HPSE2: variants seen among roughly 807,000 people sequenced by gnomAD.
HPSE2 encodes heparanase 2 (inactive).
In HPSE2, 38 loss-of-function variants were observed where a neutral mutation model predicts 60.5. The observed-to-expected ratio is 0.63, with a 90% CI of 0.48 to 0.82. HPSE2 has a LOEUF of 0.82. Ranked by LOEUF, HPSE2 falls within the 40% of genes least tolerant of loss-of-function variation. The probability of loss-of-function intolerance (pLI) is 0.00; values close to 1 mark genes in which losing one functional copy is unlikely to be tolerated. For missense variants in HPSE2, 713 were observed against 740.4 expected, an observed-to-expected ratio of 0.96 and a Z score of 0.43; for synonymous variants, 295 against 293.2, an observed-to-expected ratio of 1.01 and a Z score of -0.06.
At chr10:98,546,350 A>C (rs1198584637) in intron 9 of HPSE2, among the ~76,000 whole-genome samples, 1 of 139,932 alleles carries the variant, frequency 7.1e-6, no homozygotes, top group Non-Finnish European at 1.6e-5. Flanking sequence ...CGCCAAGTCA[A>C]TCCTAAGCCA....
chr10:99,208,691 T>TAAAAAATA, intron 2 of HPSE2, among the ~76,000 whole-genome samples: 1 of 144,886 alleles, frequency 6.9e-6, no homozygotes. Context: ...TCTCAAAAAA[T>TAAAAAATA]AAAAATAAAA....
intron 3 of HPSE2, among the ~76,000 whole-genome samples, chr10:98,985,030 G>A (rs1307981556): frequency 6.6e-6 from 1 of 152,198 alleles, no homozygotes; most frequent in Non-Finnish European, 1.5e-5. Flanking sequence ...GTACCTGAAA[G>A]TGACAGGGAG....
intron 9 of HPSE2, among the ~76,000 whole-genome samples, chr10:98,545,591 A>G (rs1476956089): frequency 2.0e-5 from 3 of 152,240 alleles, no homozygotes; most frequent in Admixed American, 1.3e-4. Context: ...AAGGCCTTTG[A>G]CAAAATTCAA....
chr10:98,629,369 T>C (rs1946300100), intron 7 of HPSE2, among the ~76,000 whole-genome samples: 1 of 152,186 alleles, frequency 6.6e-6, no homozygotes, highest in Non-Finnish European at 1.5e-5. Flanking sequence ...TACAGGAAGC[T>C]TCTTAAACCT....
At chr10:98,773,655 G>A (rs896898185) in intron 3 of HPSE2, among the ~76,000 whole-genome samples, 1 of 152,176 alleles carries the variant, frequency 6.6e-6, no homozygotes, top group Non-Finnish European at 1.5e-5. Flanking sequence ...GGATGCACAA[G>A]TGCATAAGAA....
the HPSE2 span, among the ~76,000 whole-genome samples, chr10:99,265,277 T>A: frequency 7.5e-4 from 115 of 152,324 alleles, no homozygotes; most frequent in Non-Finnish European, 1.5e-3. Flanking sequence ...CACCACCCTT[T>A]GCTGACTCTC....
chr10:99,043,119 A>C (rs1589564875), intron 3 of HPSE2, among the ~76,000 whole-genome samples: 1 of 152,180 alleles, frequency 6.6e-6, no homozygotes, highest in Non-Finnish European at 1.5e-5. Context: ...TCAGCGTAAG[A>C]ACTCTGGCAA....
chr10:98,701,392 A>C (rs1948403634), intron 5 of HPSE2, among the ~76,000 whole-genome samples: 1 of 150,154 alleles, frequency 6.7e-6, no homozygotes, highest in South Asian at 2.2e-4. Context: ...TCGCAAGAAC[A>C]AAAAACCAAA....
intron 9 of HPSE2, among the ~76,000 whole-genome samples, chr10:98,564,976 T>C (rs1223101007): frequency 6.6e-6 from 1 of 152,114 alleles, no homozygotes; most frequent in Non-Finnish European, 1.5e-5. Flanking sequence ...TCATCCTGTA[T>C]AGTCATTTGT....
chr10:99,127,824 T>C (rs1206342158), intron 3 of HPSE2, among the ~76,000 whole-genome samples: 2 of 152,148 alleles, frequency 1.3e-5, no homozygotes, highest in East Asian at 1.9e-4. Context: ...CCAGAAGGGA[T>C]TGGAGTATTA....
intron 2 of HPSE2, among the ~76,000 whole-genome samples, chr10:99,167,826 C>A (rs1212237979): frequency 6.6e-6 from 1 of 151,836 alleles, no homozygotes; most frequent in South Asian, 2.1e-4. Flanking sequence ...TAGGTCACAT[C>A]GAGAAGAACT....
chr10:99,095,189 G>C (rs1258380819), intron 3 of HPSE2, among the ~76,000 whole-genome samples: 1 of 149,260 alleles, frequency 6.7e-6, no homozygotes. Context: ...TTGTCTTTTG[G>C]AAGAAAAAAA....
At chr10:98,930,923 G>C (rs1954624374) in intron 3 of HPSE2, among the ~76,000 whole-genome samples, 1 of 144,140 alleles carries the variant, frequency 6.9e-6, no homozygotes, top group Non-Finnish European at 1.5e-5. Context: ...TAGGTTATCT[G>C]TTCACTCTGA....
At chr10:98,802,531 T>A (rs1320276189) in intron 3 of HPSE2, among the ~76,000 whole-genome samples, 1 of 136,654 alleles carries the variant, frequency 7.3e-6, no homozygotes, top group African/African-American at 2.8e-5. Context: ...CCATGTGTTC[T>A]CATTGTTCAA....
intron 3 of HPSE2, among the ~76,000 whole-genome samples, chr10:99,085,399 T>TA (rs1843283275): frequency 6.6e-6 from 1 of 152,234 alleles, no homozygotes; most frequent in Non-Finnish European, 1.5e-5. Context: ...GCCTGTGCTT[T>TA]AAATCTACAT....
At chr10:99,184,575 A>G (rs533638921) in intron 2 of HPSE2, among the ~76,000 whole-genome samples, 15 of 144,908 alleles carry the variant, frequency 1.0e-4, no homozygotes, top group East Asian at 8.1e-4. Context: ...GAGGAAGGCC[A>G]TTAAGAAATA....
At chr10:98,958,898 T>C (rs1165215527) in intron 3 of HPSE2, among the ~76,000 whole-genome samples, 1 of 152,108 alleles carries the variant, frequency 6.6e-6, no homozygotes, top group African/African-American at 2.4e-5. Flanking sequence ...CACAGACTTT[T>C]AGAGTTAGAA....
intron 3 of HPSE2, among the ~76,000 whole-genome samples, chr10:98,788,973 A>G (rs1164082818): frequency 6.6e-6 from 1 of 151,908 alleles, no homozygotes; most frequent in African/African-American, 2.4e-5. Flanking sequence ...TCCTCCTCCT[A>G]TATCCACTTC....
intron 2 of HPSE2, among the ~76,000 whole-genome samples, chr10:99,163,941 G>A (rs1846951339): frequency 6.6e-6 from 1 of 151,852 alleles, no homozygotes; most frequent in Admixed American, 6.6e-5. Flanking sequence ...TAATAAACTT[G>A]TTCCCTTGGT....
Sources: allele counts gnomAD v4.1 joint callset (sites outside exome capture counted in the v4.1 genomes callset), GRCh38; gene constraint gnomAD v4.1.1; transcripts MANE v1.5; gene names NCBI Gene and HGNC (gene_info 2026-07-23, HGNC 2026-07-21).